KIF26B: variants seen among roughly 807,000 people sequenced by gnomAD.
KIF26B encodes kinesin family member 26B, also known as kinesin-like protein KIF26B.
Under a neutral mutation model 151.2 loss-of-function variants are expected in KIF26B, and 63 were observed. The ratio of observed to expected loss-of-function variants is 0.42; its 90% CI spans 0.34 to 0.51. The LOEUF is 0.51. Ranked by LOEUF, KIF26B falls within the 20% of genes least tolerant of loss-of-function variation. The probability of loss-of-function intolerance (pLI) is 0.07; values close to 1 mark genes in which losing one functional copy is unlikely to be tolerated. For missense variants in KIF26B, 2,813 were observed against 2,913.6 expected (o/e 0.97, Z 0.79); for synonymous variants, 1,357 against 1,262.1 (o/e 1.08, Z -1.59).
intron 2 of KIF26B, among the ~76,000 whole-genome samples, chr1:245,201,876 G>A (rs192029083): frequency 1.3e-5 from 2 of 152,300 alleles, no homozygotes; most frequent in Non-Finnish European, 2.9e-5. Flanking sequence ...CTGTATTTGA[G>A]GAGGCAGCTT....
At chr1:245,586,019 G>A (rs1217245531) in intron 5 of KIF26B, among the ~76,000 whole-genome samples, 1 of 145,084 alleles carries the variant, frequency 6.9e-6, no homozygotes, top group Non-Finnish European at 1.5e-5. Context: ...TTTAGAGACA[G>A]GGTCTGCCTC....
rs1553270127 is a variant in KIF26B at position 245,390,943 on chromosome 1, A to AAAAAAACAAAAAAAAAC, written c.999+23582_999+23583insCAAAAAAAAACAAAAAA. On this transcript the variant is annotated intron_variant, in intron 3 of 14. Transcript: ENST00000407071. ...TCTCAAAAAAAAAAAAAAAAAAAAA[A>AAAAAAACAAAAAAAAAC]AAAAAAAAACCACCATAAAATTTTG... 5.1e-5 allele frequency among the ~76,000 whole-genome samples: 6 copies of AAAAAAACAAAAAAAAAC among 118,456 alleles called. 1 individual carries two copies. Among genetic ancestry groups the AAAAAAACAAAAAAAAAC allele is most frequent in the African/African-American group, 1.2e-4 (3 of 24,446 alleles). The allele number at this position is 118,456 out of a possible 152,430, so 77.7% of individuals were successfully genotyped here.
intron 5 of KIF26B, among the ~76,000 whole-genome samples, chr1:245,574,903 G>C (rs1040804970): frequency 1.9e-5 from 2 of 107,236 alleles, no homozygotes; most frequent in Non-Finnish European, 3.6e-5. Flanking sequence ...TTGCTCTGTT[G>C]CCCAGGCTGG....
At chr1:245,341,334 T>G (rs796190564) in intron 2 of KIF26B, among the ~76,000 whole-genome samples, 74 of 85,568 alleles carry the variant, frequency 8.6e-4, no homozygotes, top group African/African-American at 1.4e-3. Context: ...TTTTTTTTTT[T>G]TTTTGAGACA....
rs554278663 is a variant in KIF26B, at chr1:245,165,113, G to C, written c.465+8430G>C. On this transcript the variant is annotated intron_variant, in intron 2 of 14. Coordinates refer to ENST00000407071, the MANE Select transcript of KIF26B (RefSeq NM_018012.4). ...TTGCTGTGAGAATGAGCAAGAAGAT[G>C]GGTTGGAAGAGTGGTGTCACCGAGA... Among the ~76,000 whole-genome samples, 10 of 152,128 alleles carry C rather than the reference G, an allele frequency of 6.6e-5. No homozygotes were observed. In the East Asian group the frequency reaches 1.9e-3, roughly 30 times the overall value.
chr1:245,574,882 G>A (rs1172175554), intron 5 of KIF26B, among the ~76,000 whole-genome samples: 1 of 32,674 alleles, frequency 3.1e-5, no homozygotes, highest in African/African-American at 1.4e-4. Context: ...TTTTTTTTTT[G>A]AGACAGAGTC....
In KIF26B at chr1:245,219,134, T is replaced by C. The variant is rs1669709123; in HGVS notation, c.465+62451T>C. ...GGTAGCAAATACCTACCTCTTTTTT[T>C]TTTTTTTTTTTTTTTTTTTTTTGAG... On this transcript the variant is annotated intron_variant, in intron 2 of 14. Transcript: ENST00000407071. Among the ~76,000 whole-genome samples, 3 of 114,688 alleles carry C rather than the reference T, an allele frequency of 2.6e-5. No individual in the cohort carries two copies. The South Asian group carries it at 9.6e-4, about 37-fold the overall frequency. The allele number at this position is 114,688 out of a possible 152,430, so 75.2% of individuals were successfully genotyped here. A position where few individuals can be genotyped will look rare whatever the true frequency, so the allele number is the denominator to read the frequency against.
intron 2 of KIF26B, among the ~76,000 whole-genome samples, chr1:245,213,630 C>T (rs1315091282): frequency 6.6e-6 from 1 of 152,164 alleles, no homozygotes; most frequent in African/African-American, 2.4e-5. Context: ...CTTCCTTCAC[C>T]GGAGCCTGGG....
chr1:245,551,454 A>G (rs1004359520), intron 5 of KIF26B, among the ~76,000 whole-genome samples: 3 of 152,216 alleles, frequency 2.0e-5, no homozygotes, highest in South Asian at 2.1e-4. Context: ...AGGTATTTTT[A>G]TAGAAATCCA....
intron 2 of KIF26B, among the ~76,000 whole-genome samples, chr1:245,205,729 T>C (rs1158513984): frequency 9.8e-6 from 1 of 101,866 alleles, no homozygotes; most frequent in Non-Finnish European, 2.1e-5. Flanking sequence ...TTTTTTTTTT[T>C]AGACATAGGG....
At chr1:245,464,338 C>T (rs751092570) in intron 4 of KIF26B, among the ~76,000 whole-genome samples, 2 of 152,052 alleles carry the variant, frequency 1.3e-5, no homozygotes, top group Non-Finnish European at 2.9e-5. Context: ...ACCCAGTGAG[C>T]ACGTGTGTGC....
intron 10 of KIF26B, among the ~76,000 whole-genome samples, chr1:245,647,674 G>A (rs377117303): frequency 3.3e-5 from 5 of 152,050 alleles, no homozygotes; most frequent in East Asian, 1.9e-4. Context: ...GGAAAAAGTC[G>A]GGCAGTGTAT....
At chr1:245,325,942 G>T (rs1373855888) in intron 2 of KIF26B, among the ~76,000 whole-genome samples, 1 of 152,020 alleles carries the variant, frequency 6.6e-6, no homozygotes, top group African/African-American at 2.4e-5. Context: ...CTGCTCCCTC[G>T]CTTATTGCTA....
intron 4 of KIF26B, among the ~76,000 whole-genome samples, chr1:245,520,591 TCCATCCATCCACCCAC>T (rs201894942): frequency 0.042 from 3,025 of 71,960 alleles, 62 homozygotes; most frequent in East Asian, 0.11. Flanking sequence ...CATCCATCCA[TCCATCCATCCACCCAC>T]CCACCCATCC....
In KIF26B at chr1:245,200,235, G is replaced by GACT. The variant is rs574711646; in HGVS notation, c.465+43556_465+43558dup. ...AGATGCTCAGCAAAGGATGTAGGGCGACTACTGCAGCAGCACACAGCATTC... is the reference window on the plus strand; with the variant it reads ...AGATGCTCAGCAAAGGATGTAGGGCGACTACTACTGCAGCAGCACACAGCATTC... On this transcript the variant is annotated intron_variant, in intron 2 of 14. Transcript: ENST00000407071. 4.6e-5 allele frequency among the ~76,000 whole-genome samples: 7 copies of GACT among 152,252 alleles called. No individual in the cohort carries two copies. In the East Asian group the frequency reaches 1.4e-3, roughly 29 times the overall value.
At chr1:245,243,799 C>T (rs946168020) in intron 2 of KIF26B, among the ~76,000 whole-genome samples, 11 of 151,662 alleles carry the variant, frequency 7.3e-5, no homozygotes, top group Admixed American at 5.9e-4. Context: ...TGCAGTGGGC[C>T]GAGATCATGC....
At chr1:245,418,192 G>A (rs1417496192) in intron 3 of KIF26B, among the ~76,000 whole-genome samples, 3 of 152,152 alleles carry the variant, frequency 2.0e-5, no homozygotes, top group African/African-American at 7.2e-5. Flanking sequence ...ACGGGAGCCC[G>A]CACCACACAG....
intron 12 of KIF26B, among the ~76,000 whole-genome samples, chr1:245,692,145 G>A (rs1480299769): frequency 2.0e-5 from 3 of 152,134 alleles, no homozygotes; most frequent in African/African-American, 7.2e-5. Flanking sequence ...TAGTCAGTGG[G>A]GTTTATTTTC....
chr1:245,365,245 C>G (rs1426522265), intron 2 of KIF26B, among the ~76,000 whole-genome samples: 1 of 152,198 alleles, frequency 6.6e-6, no homozygotes, highest in African/African-American at 2.4e-5. Flanking sequence ...TGCATCACTT[C>G]CTCAACCAGA....
Sources: allele counts gnomAD v4.1 joint callset (sites outside exome capture counted in the v4.1 genomes callset), GRCh38; gene constraint gnomAD v4.1.1; transcripts MANE v1.5; gene names NCBI Gene and HGNC (gene_info 2026-07-23, HGNC 2026-07-21).